ADAMTS9: variants seen among roughly 807,000 people sequenced by gnomAD.
The protein encoded by ADAMTS9 is A disintegrin and metalloproteinase with thrombospondin motifs 9.
Under a neutral mutation model 257.1 loss-of-function variants are expected in ADAMTS9, and 107 were observed. The observed-to-expected ratio is 0.42, with a 90% confidence interval of 0.36 to 0.49. The LOEUF is 0.49. ADAMTS9 is among the 20% of genes least tolerant of loss of function. The probability of loss-of-function intolerance (pLI) is 0.03; values close to 1 mark genes in which losing one functional copy is unlikely to be tolerated. For synonymous variants in ADAMTS9, 982 were observed against 880.9 expected, an observed-to-expected ratio of 1.11 and a Z score of -2.03; for missense variants, 2,353 against 2,469.1, an observed-to-expected ratio of 0.95 and a Z score of 1.00.
chr3:64,621,795 AAAAGAAAAG>A (rs1700114011), intron 18 of ADAMTS9, among the ~76,000 whole-genome samples: 1 of 151,126 alleles, frequency 6.6e-6, no homozygotes, highest in African/African-American at 2.4e-5. Context: ...TAAAAAAATA[AAAAGAAAAG>A]AAAAAGAAAA....
At chr3:64,664,761 A>AT (rs1430616179) in intron 3 of ADAMTS9, among the ~76,000 whole-genome samples, 1 of 152,184 alleles carries the variant, frequency 6.6e-6, no homozygotes, top group African/African-American at 2.4e-5. Flanking sequence ...GGGTGAATAT[A>AT]TTTTTGTTCT....
intron 8 of ADAMTS9, 34 bp from the exon 9 acceptor site, chr3:64,651,197 TA>T (rs748509730): frequency 6.5e-7 from 1 of 1,538,498 alleles, no homozygotes; most frequent in Non-Finnish European, 8.7e-7. Flanking sequence ...AGAATGTCAA[TA>T]AACACCAAGG....
intron 38 of ADAMTS9, among the ~76,000 whole-genome samples, chr3:64,527,883 G>C (rs1559747382): frequency 6.6e-6 from 1 of 152,126 alleles, no homozygotes; most frequent in Non-Finnish European, 1.5e-5. Flanking sequence ...CATGAGAGTG[G>C]GCTGCACTGA....
chr3:64,584,893 C>T (rs942814834), intron 28 of ADAMTS9, among the ~76,000 whole-genome samples: 3 of 152,138 alleles, frequency 2.0e-5, no homozygotes, highest in African/African-American at 7.2e-5. Context: ...TACCGTACAA[C>T]TCTCTAAGTC....
intron 11 of ADAMTS9, among the ~76,000 whole-genome samples, chr3:64,646,132 A>G (rs918845881): frequency 6.6e-6 from 1 of 152,220 alleles, no homozygotes; most frequent in African/African-American, 2.4e-5. Context: ...GGGTGGATCC[A>G]TCAGGTTAAG....
intron 37 of ADAMTS9, 79 bp from the exon 38 acceptor site, chr3:64,533,349 A>T: frequency 9.2e-7 from 1 of 1,089,376 alleles, no homozygotes; most frequent in Non-Finnish European, 1.4e-6. Flanking sequence ...TGATACAATA[A>T]AAGGTACTTT....
intron 10 of ADAMTS9, among the ~76,000 whole-genome samples, chr3:64,648,648 A>G (rs1700855744): frequency 6.6e-6 from 1 of 152,198 alleles, no homozygotes. Flanking sequence ...TTAAATAGAA[A>G]AAGTTTCAAA....
In ADAMTS9 at chr3:64,561,666, C is replaced by T. The variant is rs2083425630; in HGVS notation, c.4610G>A (p.Cys1537Tyr). ...CGACTCCGGTCTGGTGTATGGGTTG[C>T]ACTCGGTCTCTCTGGCTATTTTGTG... is the stretch of plus-strand genomic sequence containing the variant. Reference protein sequence around the residue: ...GTHKIARETECNPYTRPESER... With the variant: ...GTHKIARETEYNPYTRPESER... Residue 1537 changes from cysteine (C) to tyrosine (Y), a missense_variant, in exon 30 of 40, where the codon TGC becomes TAC. Coordinates refer to ENST00000498707, the MANE Select transcript of ADAMTS9 (RefSeq NM_182920.2). 1 of 1,614,086 alleles carries T rather than the reference C, an allele frequency of 6.2e-7. No individual in the cohort carries two copies. Among genetic ancestry groups the T allele is most frequent in the Non-Finnish European group, 8.5e-7 (1 of 1,180,002 alleles).
intron 3 of ADAMTS9, among the ~76,000 whole-genome samples, chr3:64,679,678 G>A (rs61386663): frequency 0.04 from 6,022 of 152,206 alleles, 418 homozygotes; most frequent in African/African-American, 0.14. Flanking sequence ...GATGGAAGGA[G>A]GGGAACTGCA....
At chr3:64,560,435 G>C (rs1306634972) in intron 30 of ADAMTS9, among the ~76,000 whole-genome samples, 1 of 152,204 alleles carries the variant, frequency 6.6e-6, no homozygotes, top group Non-Finnish European at 1.5e-5. Flanking sequence ...GGAAGAGGAA[G>C]ACAGGGCTGG....
At chr3:64,558,045 T>C (rs2083363839) in intron 30 of ADAMTS9, among the ~76,000 whole-genome samples, 1 of 152,142 alleles carries the variant, frequency 6.6e-6, no homozygotes, top group Admixed American at 6.5e-5. Flanking sequence ...GATAGCTAAC[T>C]AGATCAAGAA....
intron 8 of ADAMTS9, among the ~76,000 whole-genome samples, chr3:64,654,033 C>T (rs1700996819): frequency 6.6e-6 from 1 of 152,132 alleles, no homozygotes; most frequent in South Asian, 2.1e-4. Flanking sequence ...ATATCCTCTG[C>T]TTCAGTAGAA....
In ADAMTS9 at chr3:64,644,323, T is replaced by C. The variant is rs73832362; in HGVS notation, c.1711-2330A>G. Among the ~76,000 whole-genome samples the C allele has an allele frequency of 9.0e-3, 1,370 of 152,310 alleles. 14 individuals carry two copies. Among genetic ancestry groups the C allele is most frequent in the African/African-American group, 0.032 (1,311 of 41,554 alleles). ...CATCACAAAGAGGCAGGAATGGTAC[T>C]GAAATATAGACAAGACTTAACAGTG... On this transcript the variant is annotated intron_variant, in intron 11 of 39. Coordinates refer to ENST00000498707, the MANE Select transcript of ADAMTS9 (RefSeq NM_182920.2).
rs994215142 is a variant in ADAMTS9 at position 64,520,168 on chromosome 3, A to C, written c.*5+1998T>G. Among the ~76,000 whole-genome samples, 10 of 152,306 alleles carry C rather than the reference A, an allele frequency of 6.6e-5. No individual in the cohort carries two copies. The East Asian group carries it at 1.7e-3, about 26-fold the overall frequency. On this transcript the variant is annotated intron_variant, in intron 39 of 39. Coordinates refer to ENST00000498707, the MANE Select transcript of ADAMTS9 (RefSeq NM_182920.2). ...ACAAATAACATTCAAGCTGAGAACC[A>C]AATCAAGAATGCAATCCAATTTACA... is the stretch of plus-strand genomic sequence containing the variant.
chr3:64,611,930 T>C (rs1268005002), intron 22 of ADAMTS9, among the ~76,000 whole-genome samples: 3 of 152,188 alleles, frequency 2.0e-5, no homozygotes, highest in African/African-American at 4.8e-5. Flanking sequence ...ACTGATTTGT[T>C]CGCTTTAAAA....
At chr3:64,527,272 TTAAA>T (rs1297471604) in intron 38 of ADAMTS9, among the ~76,000 whole-genome samples, 5 of 152,258 alleles carry the variant, frequency 3.3e-5, no homozygotes, top group African/African-American at 1.2e-4. Flanking sequence ...TTACATATAA[TTAAA>T]TGAATGAATC....
chr3:64,642,649 C>T (rs1252075451), intron 11 of ADAMTS9, among the ~76,000 whole-genome samples: 1 of 152,172 alleles, frequency 6.6e-6, no homozygotes, highest in African/African-American at 2.4e-5. Context: ...AACTCCTCAG[C>T]AGGACAAGGG....
intron 22 of ADAMTS9, among the ~76,000 whole-genome samples, chr3:64,611,868 C>T (rs913116292): frequency 6.6e-6 from 1 of 152,064 alleles, no homozygotes; most frequent in Non-Finnish European, 1.5e-5. Flanking sequence ...GATGAAGTTT[C>T]GTAACTAGGT....
At chr3:64,670,834 A>G (rs1408054710) in intron 3 of ADAMTS9, among the ~76,000 whole-genome samples, 1 of 152,252 alleles carries the variant, frequency 6.6e-6, no homozygotes, top group African/African-American at 2.4e-5. Flanking sequence ...CTAAACACCT[A>G]TTAGAATAGC....
Sources: gnomAD v4.1 joint callset for allele counts (sites outside exome capture counted in the v4.1 genomes callset) on GRCh38, gnomAD v4.1.1 for gene constraint, MANE v1.5 for transcripts, NCBI Gene and HGNC (gene_info 2026-07-23, HGNC 2026-07-21) for gene names.